FBXO47: variants seen among roughly 807,000 people sequenced by gnomAD.
FBXO47 encodes the protein F-box only protein 47.
In FBXO47, 34 loss-of-function variants were observed where a neutral mutation model predicts 53.9. That is an observed-to-expected ratio of 0.63 (90% CI 0.48 to 0.84). The LOEUF (loss-of-function observed/expected upper bound fraction) is 0.84, where lower values mean the gene tolerates loss of function less well. Ranked by LOEUF, FBXO47 falls within the 40% of genes least tolerant of loss-of-function variation. The pLI, the probability that FBXO47 is intolerant of heterozygous loss-of-function variation, is 0.00. For missense variants in FBXO47, 485 were observed against 541.3 expected, an observed-to-expected ratio of 0.90 and a Z score of 1.03; for synonymous variants, 165 against 181.6, an observed-to-expected ratio of 0.91 and a Z score of 0.73.
At chr17:38,960,525 A>AGGGAGAAAAATTTCTT (rs1905769762) in intron 3 of FBXO47, among the ~76,000 whole-genome samples, 1 of 152,112 alleles carries the variant, frequency 6.6e-6, no homozygotes, top group Non-Finnish European at 1.5e-5. Context: ...AGACTTGATC[A>AGGGAGAAAAATTTCTT]GGGAGAAAAA....
chr17:38,943,822 G>T, intron 7 of FBXO47, 86 bp from the exon 8 acceptor site: 1 of 1,142,932 alleles, frequency 8.7e-7, no homozygotes. Context: ...ATTGCACAAT[G>T]GAATCCCATT....
At chr17:38,953,626 AAAAT>A (rs1473900809) in intron 5 of FBXO47, among the ~76,000 whole-genome samples, 1 of 152,172 alleles carries the variant, frequency 6.6e-6, no homozygotes, top group Non-Finnish European at 1.5e-5. Context: ...CTCTGCCTCA[AAAAT>A]AAATAAATTA....
intron 6 of FBXO47, among the ~76,000 whole-genome samples, chr17:38,947,744 C>T (rs1377796493): frequency 6.6e-6 from 1 of 151,980 alleles, no homozygotes; most frequent in Non-Finnish European, 1.5e-5. Flanking sequence ...CCCGTCTTTA[C>T]TAAAAATACA....
intron 7 of FBXO47, 59 bp from the exon 8 acceptor site, chr17:38,943,795 T>A (rs890864206): frequency 1.4e-6 from 2 of 1,469,644 alleles, no homozygotes; most frequent in Admixed American, 2.3e-5. Flanking sequence ...TAAAGACTTG[T>A]TTAAAAAGGA....
chr17:38,936,524 C>A lies in FBXO47; in HGVS notation c.*651G>T, dbSNP rs923154008. ...TTTGATTGCATTGAGACAATATATA[C>A]CTTCCTGTATGTATAGACCTTTTGT... On this transcript the variant is annotated 3_prime_UTR_variant, in exon 11 of 11. Transcript: ENST00000378079. 5.9e-5 allele frequency: 9 copies of A among 151,706 alleles called. No homozygotes were observed. The highest frequency in any genetic ancestry group is 2.2e-4 in the African/African-American group (9 of 41,306). The allele number at this position is 151,706 out of a possible 1,614,324, so 9.4% of individuals were successfully genotyped here. A position where few individuals can be genotyped will look rare whatever the true frequency, so the allele number is the denominator to read the frequency against.
intron 7 of FBXO47, 112 bp downstream of exon 7, chr17:38,944,848 A>ATGTGCGTGTGTGTGTGTG (rs1904675444): frequency 1.8e-6 from 1 of 553,650 alleles, no homozygotes; most frequent in African/African-American, 2.0e-5. Context: ...GCGTGCATGC[A>ATGTGCGTGTGTGTGTGTG]TGTGTGTGTG....
intron 2 of FBXO47, among the ~76,000 whole-genome samples, 163 bp downstream of exon 2, chr17:38,962,682 C>A (rs1905873161): frequency 6.6e-6 from 1 of 150,768 alleles, no homozygotes; most frequent in African/African-American, 2.4e-5. Flanking sequence ...TCTCATTGTA[C>A]TCCTTACCTG....
At chr17:38,949,099 G>A (rs1905075896) in intron 6 of FBXO47, among the ~76,000 whole-genome samples, 1 of 151,900 alleles carries the variant, frequency 6.6e-6, no homozygotes, top group South Asian at 2.1e-4. Context: ...CCATCTTTTG[G>A]CTACTATGAA....
At chr17:38,940,692 T>C (rs532259882) in intron 9 of FBXO47, among the ~76,000 whole-genome samples, 2 of 152,118 alleles carry the variant, frequency 1.3e-5, no homozygotes, top group South Asian at 4.1e-4. Flanking sequence ...ATTTATTTTT[T>C]AGAGACAGGG....
intron 5 of FBXO47, among the ~76,000 whole-genome samples, chr17:38,954,297 C>CA (rs1343073135): frequency 6.6e-6 from 1 of 151,178 alleles, no homozygotes; most frequent in Non-Finnish European, 1.5e-5. Context: ...GACTCCGTCT[C>CA]AAAAAATAAA....
intron 6 of FBXO47, among the ~76,000 whole-genome samples, chr17:38,945,948 A>ATATAT (rs1555560608): frequency 8.5e-6 from 1 of 117,158 alleles, no homozygotes; most frequent in Non-Finnish European, 1.6e-5. Flanking sequence ...AAAAAAAAAA[A>ATATAT]ATATATATAT....
chr17:38,964,694 C>A (rs967238890), intron 1 of FBXO47, among the ~76,000 whole-genome samples: 1 of 151,628 alleles, frequency 6.6e-6, no homozygotes, highest in Non-Finnish European at 1.5e-5. Context: ...CAAAAAATAA[C>A]AATAATAATA....
Position 38,959,150 on chromosome 17 carries a change from T to TA in FBXO47, c.353-1898dup, listed in dbSNP as rs1001551209. The stretch of plus-strand genomic sequence containing the variant: ...ACCATAAAACCCAATACTGGCTGTT[T>TA]AAAAAAAAAAAACAACCACAGGTGC... On this transcript the variant is annotated intron_variant, in intron 3 of 10. Transcript: ENST00000378079. Among the ~76,000 whole-genome samples the TA allele has an allele frequency of 4.5e-3, 639 of 143,134 alleles. 2 individuals are homozygous for TA. The highest frequency in any genetic ancestry group is 0.01 in the Middle Eastern group (3 of 286). 93.9% of individuals were successfully genotyped at this position (143,134 alleles called of 152,430 possible).
chr17:38,946,173 A>AAT, intron 6 of FBXO47, among the ~76,000 whole-genome samples: 1 of 117,616 alleles, frequency 8.5e-6, no homozygotes, highest in South Asian at 2.4e-4. Flanking sequence ...TAAATATATA[A>AAT]AAATATATAT....
chr17:38,943,820 A>G (rs1440623170), intron 7 of FBXO47, 84 bp from the exon 8 acceptor site: 3 of 1,143,564 alleles, frequency 2.6e-6, no homozygotes, highest in Non-Finnish European at 3.8e-6. Flanking sequence ...GAATTGCACA[A>G]TGGAATCCCA....
chr17:38,941,620 TTATATA>T lies in FBXO47; in HGVS notation c.1083+1152_1083+1157del, dbSNP rs3040090. Among the ~76,000 whole-genome samples, 531 of 115,164 alleles carry T rather than the reference TTATATA, an allele frequency of 4.6e-3. 4 individuals carry two copies. The highest frequency in any genetic ancestry group is 0.014 in the African/African-American group (466 of 32,748). 75.6% of individuals were successfully genotyped at this position (115,164 alleles called of 152,430 possible). A position where few individuals can be genotyped will look rare whatever the true frequency, so the allele number is the denominator to read the frequency against. ...AAATGAATATTAAATAAATATAATA[TTATATA>T]TATATATATATATATATATGTATGT... is the stretch of plus-strand genomic sequence containing the variant. On this transcript the variant is annotated intron_variant, in intron 9 of 10. Coordinates refer to ENST00000378079, the MANE Select transcript of FBXO47 (RefSeq NM_001008777.3).
At chr17:38,946,565 T>C (rs1171858088) in intron 6 of FBXO47, among the ~76,000 whole-genome samples, 2 of 84,610 alleles carry the variant, frequency 2.4e-5, no homozygotes, top group African/African-American at 5.5e-5. Flanking sequence ...TATATAACTA[T>C]ATAAATATAT....
Position 38,962,054 on chromosome 17 carries a change from A to G in FBXO47, c.182-7T>C. 1 of 1,608,194 alleles carries G rather than the reference A, an allele frequency of 6.2e-7. No individual in the cohort carries two copies. The highest frequency in any genetic ancestry group is 2.2e-5 in the East Asian group (1 of 44,832). On this transcript the variant is annotated splice_region_variant and splice_polypyrimidine_tract_variant and intron_variant, in intron 2 of 10. Transcript: ENST00000378079. ...AGCATGCTGATATCCTTCACTACCA[A>G]AAGAAATATATATGTGTATGTATCA...
chr17:38,939,736 C>T (rs1178546194), intron 9 of FBXO47, among the ~76,000 whole-genome samples: 2 of 138,192 alleles, frequency 1.4e-5, no homozygotes, highest in South Asian at 2.3e-4. Flanking sequence ...GGCGCAATCT[C>T]GGCTCACTGC....
Sources: gnomAD v4.1 joint callset for allele counts (sites outside exome capture counted in the v4.1 genomes callset) on GRCh38, gnomAD v4.1.1 for gene constraint, MANE v1.5 for transcripts, NCBI Gene and HGNC (gene_info 2026-07-23, HGNC 2026-07-21) for gene names.